Variants in ANKRD44 observed in about 807,000 individuals in gnomAD.
The protein encoded by ANKRD44 is serine/threonine-protein phosphatase 6 regulatory ankyrin repeat subunit B.
ANKRD44 carries 35 observed loss-of-function variants against 116.0 expected under a neutral mutation model. The observed-to-expected ratio is 0.30, with a 90% CI of 0.23 to 0.40. ANKRD44 has a LOEUF of 0.40. Ranked by LOEUF, ANKRD44 falls within the 10% of genes least tolerant of loss-of-function variation. The probability of loss-of-function intolerance (pLI) is 1.00; values close to 1 mark genes in which losing one functional copy is unlikely to be tolerated. For synonymous variants in ANKRD44, 435 were observed against 461.8 expected, an observed-to-expected ratio of 0.94 and a Z score of 0.74; for missense variants, 1,014 against 1,242.6, an observed-to-expected ratio of 0.82 and a Z score of 2.77.
intron 12 of ANKRD44, among the ~76,000 whole-genome samples, chr2:197,087,533 T>C (rs2077954177): frequency 6.6e-6 from 1 of 152,234 alleles, no homozygotes; most frequent in South Asian, 2.1e-4. Context: ...TTGTCCATCA[T>C]TGTTCTAAAC....
At chr2:197,259,095 G>A (rs907853882) in intron 1 of ANKRD44, among the ~76,000 whole-genome samples, 10 of 152,140 alleles carry the variant, frequency 6.6e-5, no homozygotes, top group African/African-American at 1.9e-4. Flanking sequence ...TTAAAGACTA[G>A]GTAAAGCAGC....
chr2:196,989,014 A>G lies in ANKRD44; in HGVS notation c.*577T>C, dbSNP rs1180662832. ...ACAGACTGTGGCTGAGCAGTAGAAG[A>G]TGCGTAGCCCTCTCTAACCAACGCG... On this transcript the variant is annotated 3_prime_UTR_variant, in exon 28 of 28. Coordinates refer to ENST00000282272, the MANE Select transcript of ANKRD44 (RefSeq NM_001195144.2). 1.0e-6 allele frequency: 1 copy of G among 985,346 alleles called. No homozygotes were observed. The highest frequency in any genetic ancestry group is 1.7e-5 in the African/African-American group (1 of 57,240). 61.0% of individuals were successfully genotyped at this position (985,346 alleles called of 1,614,324 possible). A position where few individuals can be genotyped will look rare whatever the true frequency, so the allele number is the denominator to read the frequency against.
intron 2 of ANKRD44, among the ~76,000 whole-genome samples, chr2:197,172,814 C>T (rs1367888730): frequency 6.6e-6 from 1 of 152,022 alleles, no homozygotes; most frequent in Admixed American, 6.5e-5. Flanking sequence ...GATCCGCCCA[C>T]CTTGGCCTCC....
chr2:197,248,762 G>A (rs1269282317), intron 1 of ANKRD44, among the ~76,000 whole-genome samples: 1 of 151,952 alleles, frequency 6.6e-6, no homozygotes, highest in East Asian at 1.9e-4. Flanking sequence ...GGGAGACGAG[G>A]GGGAGGAAGT....
At position 197,304,045 on chromosome 2, in the gene ANKRD44, C is replaced by T. The variant is rs193264433; in HGVS notation, c.27+6533G>A. Among the ~76,000 whole-genome samples, 405 of 152,272 alleles carry T rather than the reference C, an allele frequency of 2.7e-3. 1 individual carries two copies. The highest frequency in any genetic ancestry group is 4.6e-3 in the South Asian group (22 of 4,830). ...CTTAGGCCAGGTGTGGTGGCTTACC[C>T]CTGTAATCCCAGCACTTTGGGAGGC... On this transcript the variant is annotated intron_variant, in intron 1 of 27. Transcript: ENST00000282272.
intron 4 of ANKRD44, chr2:197,134,039 T>C (rs1574519858): frequency 7.1e-6 from 1 of 140,794 alleles, no homozygotes; most frequent in South Asian, 2.5e-4. Context: ...CCGCAACCTC[T>C]GCCTCCCAGG....
chr2:197,189,666 G>A (rs1466339239), intron 1 of ANKRD44, among the ~76,000 whole-genome samples: 1 of 152,168 alleles, frequency 6.6e-6, no homozygotes, highest in Admixed American at 6.5e-5. Context: ...TGCCTTTTTG[G>A]ACCTTAAAAG....
At chr2:197,131,531 C>T (rs907810750) in intron 4 of ANKRD44, among the ~76,000 whole-genome samples, 1 of 152,216 alleles carries the variant, frequency 6.6e-6, no homozygotes, top group African/African-American at 2.4e-5. Flanking sequence ...ACAACACCTA[C>T]ATGGACACAG....
intron 10 of ANKRD44, among the ~76,000 whole-genome samples, chr2:197,093,718 A>G (rs1029766657): frequency 2.6e-5 from 4 of 152,230 alleles, no homozygotes; most frequent in African/African-American, 7.2e-5. Context: ...AAATAAAATT[A>G]CTACCTTATT....
chr2:197,068,387 T>TAAAAAAAAAAATAAAAAAAAAAAAAAAAA (rs768350471), intron 16 of ANKRD44, among the ~76,000 whole-genome samples: 1 of 66,908 alleles, frequency 1.5e-5, no homozygotes, highest in Admixed American at 1.8e-4. Context: ...AAGAAAAAAA[T>TAAAAAAAAAAATAAAAAAAAAAAAAAAAA]AAAAAAAAAA....
At chr2:197,302,143 G>T in intron 1 of ANKRD44, 1 of 153,386 alleles carries the variant, frequency 6.5e-6, no homozygotes, top group Non-Finnish European at 1.5e-5. Context: ...CTGGAGCCAA[G>T]GAGCCAGGAA....
At chr2:197,292,136 T>C (rs1257202073) in intron 1 of ANKRD44, among the ~76,000 whole-genome samples, 1 of 152,018 alleles carries the variant, frequency 6.6e-6, no homozygotes, top group Non-Finnish European at 1.5e-5. Flanking sequence ...AATAAACATA[T>C]GTGTGCATGT....
At chr2:197,123,851 T>G (rs1044448742) in intron 6 of ANKRD44, among the ~76,000 whole-genome samples, 2 of 152,192 alleles carry the variant, frequency 1.3e-5, no homozygotes, top group African/African-American at 4.8e-5. Flanking sequence ...AGACTTTATA[T>G]AGAAAAAATT....
rs142777128 is a variant in ANKRD44, at chr2:197,012,543, G to GT, written c.1924+967dup. Among the ~76,000 whole-genome samples the GT allele has an allele frequency of 2.1e-3, 305 of 144,104 alleles. 1 individual carries two copies. Among genetic ancestry groups the GT allele is most frequent in the South Asian group, 9.0e-3 (41 of 4,552 alleles). The allele number at this position is 144,104 out of a possible 152,430, so 94.5% of individuals were successfully genotyped here. A position where few individuals can be genotyped will look rare whatever the true frequency, so the allele number is the denominator to read the frequency against. ...AACTATTACTAACCTTATGGCTAAC[G>GT]TTTTTTTTTTTTCCAGCAACAATCA... On this transcript the variant is annotated intron_variant, in intron 18 of 27. Transcript: ENST00000282272.
chr2:197,257,850 G>T lies in ANKRD44; in HGVS notation c.27+52728C>A, dbSNP rs191155724. 2.8e-4 allele frequency among the ~76,000 whole-genome samples: 43 copies of T among 152,050 alleles called. 1 individual carries two copies. The highest frequency in any genetic ancestry group is 9.4e-4 in the African/African-American group (39 of 41,454). On this transcript the variant is annotated intron_variant, in intron 1 of 27. Coordinates refer to ENST00000282272, the MANE Select transcript of ANKRD44 (RefSeq NM_001195144.2). ...ATTCATCTCCAGAAATTTTTCCCTAGCCCATACTGAAACTCCGTGCCAATT... is the reference window on the plus strand; with the variant it reads ...ATTCATCTCCAGAAATTTTTCCCTATCCCATACTGAAACTCCGTGCCAATT...
chr2:197,167,510 C>CT (rs1574594083), intron 2 of ANKRD44, among the ~76,000 whole-genome samples: 1 of 152,290 alleles, frequency 6.6e-6, no homozygotes, highest in Non-Finnish European at 1.5e-5. Context: ...TCATCGAAGA[C>CT]TTCCCAGAAC....
At chr2:197,309,752 T>C (rs556940305) in intron 1 of ANKRD44, among the ~76,000 whole-genome samples, 349 of 152,246 alleles carry the variant, frequency 2.3e-3, no homozygotes, top group African/African-American at 8.0e-3. Flanking sequence ...GTTTGGTGCC[T>C]GTTAGTGTCA....
At chr2:197,273,618 G>A (rs1006398818) in intron 1 of ANKRD44, among the ~76,000 whole-genome samples, 6 of 152,188 alleles carry the variant, frequency 3.9e-5, no homozygotes, top group South Asian at 4.2e-4. Context: ...GGAAGAGGGC[G>A]CAGGGCCTAG....
At chr2:197,276,548 A>T (rs1482853044) in intron 1 of ANKRD44, among the ~76,000 whole-genome samples, 1 of 152,178 alleles carries the variant, frequency 6.6e-6, no homozygotes, top group Non-Finnish European at 1.5e-5. Context: ...AAACTGATTT[A>T]TGAGCAAAAA....
Sources: allele counts gnomAD v4.1 joint callset (sites outside exome capture counted in the v4.1 genomes callset), GRCh38; gene constraint gnomAD v4.1.1; transcripts MANE v1.5; gene names NCBI Gene and HGNC (gene_info 2026-07-23, HGNC 2026-07-21).